TBC1D5: variants seen among roughly 807,000 people sequenced by gnomAD.
TBC1D5 encodes TBC1 domain family member 5.
A neutral mutation model predicts 100.3 loss-of-function variants in TBC1D5; 75 were observed. The observed-to-expected ratio is 0.75, with a 90% CI of 0.62 to 0.91. The LOEUF (loss-of-function observed/expected upper bound fraction) is 0.91, where lower values mean the gene tolerates loss of function less well. TBC1D5 is among the 40% of genes least tolerant of loss of function. TBC1D5 has a pLI of 0.00. For missense variants in TBC1D5, 910 were observed against 942.4 expected (o/e 0.97, Z 0.45); for synonymous variants, 323 against 325.6 (o/e 0.99, Z 0.09).
chr3:17,310,217 A>G (rs2083865921), intron 13 of TBC1D5, among the ~76,000 whole-genome samples: 1 of 152,128 alleles, frequency 6.6e-6, no homozygotes, highest in Non-Finnish European at 1.5e-5. Context: ...ATATGCAGCA[A>G]TCTTCACTGC....
In TBC1D5 at chr3:17,352,044, TAC is replaced by T. The variant is rs572942481; in HGVS notation, c.995+20029_995+20030del. 2.1e-4 allele frequency among the ~76,000 whole-genome samples: 31 copies of T among 148,582 alleles called. 1 individual carries two copies. The East Asian group carries it at 6.1e-3, about 29-fold the overall frequency. On this transcript the variant is annotated intron_variant, in intron 13 of 21. Transcript: ENST00000253692. ...CACACACACAAAAAACCCTAAGACA[TAC>T]AGAGAAGCAGCCACCCCATGAACCC...
chr3:17,272,919 T>C (rs970430608), intron 15 of TBC1D5, among the ~76,000 whole-genome samples: 3 of 152,212 alleles, frequency 2.0e-5, no homozygotes, highest in Non-Finnish European at 2.9e-5. Flanking sequence ...AGTCATTCCT[T>C]TGTAATCAAC....
At chr3:17,331,148 T>G (rs556689550) in intron 13 of TBC1D5, among the ~76,000 whole-genome samples, 1 of 152,314 alleles carries the variant, frequency 6.6e-6, no homozygotes, top group African/African-American at 2.4e-5. Context: ...TTTAGTGACT[T>G]GCTACAGCCC....
intron 17 of TBC1D5, among the ~76,000 whole-genome samples, chr3:17,230,075 A>G (rs6442676): frequency 0.036 from 5,431 of 152,232 alleles, 325 homozygotes; most frequent in African/African-American, 0.12. Context: ...CTTCAGGTCT[A>G]TCACATCTCA....
chr3:17,275,950 A>G (rs2079953943), intron 15 of TBC1D5, among the ~76,000 whole-genome samples: 1 of 152,170 alleles, frequency 6.6e-6, no homozygotes, highest in Non-Finnish European at 1.5e-5. Context: ...TTTTCCACAT[A>G]GGTGTATAGT....
At chr3:17,723,461 G>A (rs1324581157) in intron 1 of TBC1D5, among the ~76,000 whole-genome samples, 1 of 152,180 alleles carries the variant, frequency 6.6e-6, no homozygotes, top group Non-Finnish European at 1.5e-5. Context: ...AGATCCAAAA[G>A]TTGGAGTAAT....
rs1222345737 is a variant in TBC1D5, at chr3:17,285,450, C to T, written c.1245+6445G>A. ...TAATTTTTTGTATTTTTAGTAGAGA[C>T]GGGGTTTCACCGTGTTAGCCAGGAT... is the stretch of plus-strand genomic sequence containing the variant. On this transcript the variant is annotated intron_variant, in intron 15 of 21. Coordinates refer to ENST00000253692, the Ensembl canonical transcript of TBC1D5. Among the ~76,000 whole-genome samples the T allele has an allele frequency of 6.6e-5, 10 of 151,372 alleles. No individual in the cohort carries two copies. The East Asian group carries it at 9.7e-4, about 15-fold the overall frequency.
At chr3:17,498,166 T>A (rs2095738859) in intron 3 of TBC1D5, among the ~76,000 whole-genome samples, 1 of 152,130 alleles carries the variant, frequency 6.6e-6, no homozygotes, top group South Asian at 2.1e-4. Flanking sequence ...GAAGCTAGCA[T>A]AATATTCCTG....
At chr3:17,189,553 CTG>C (rs1200257579) in intron 18 of TBC1D5, among the ~76,000 whole-genome samples, 1 of 152,216 alleles carries the variant, frequency 6.6e-6, no homozygotes, top group Non-Finnish European at 1.5e-5. Context: ...ACGCCAGACA[CTG>C]AGCTTTGCTG....
intron 18 of TBC1D5, among the ~76,000 whole-genome samples, 200 bp downstream of exon 19, chr3:17,214,007 T>TC (rs887431644): frequency 6.6e-6 from 1 of 151,196 alleles, no homozygotes; most frequent in Non-Finnish European, 1.5e-5. Context: ...GCTACTTTTT[T>TC]TTTTTTCCAG....
chr3:17,672,320 C>A (rs1014896106), intron 1 of TBC1D5, among the ~76,000 whole-genome samples: 2 of 151,968 alleles, frequency 1.3e-5, no homozygotes, highest in African/African-American at 4.8e-5. Context: ...AAAATGTTTA[C>A]AAAATAAGAA....
intron 8 of TBC1D5, among the ~76,000 whole-genome samples, chr3:17,385,354 T>C (rs17043541): frequency 0.4 from 60,287 of 151,866 alleles, 12,626 homozygotes; most frequent in Middle Eastern, 0.47. Context: ...CATGAAGGCA[T>C]AGAGCATTAT....
Position 17,503,728 on chromosome 3 carries a change from G to A in TBC1D5, c.97+4746C>T, listed in dbSNP as rs528057453. Among the ~76,000 whole-genome samples, 247 of 149,796 alleles carry A rather than the reference G, an allele frequency of 1.6e-3. 7 individuals are homozygous for A. The highest frequency in any genetic ancestry group is 6.8e-3 in the Middle Eastern group (2 of 292). On this transcript the variant is annotated intron_variant, in intron 3 of 21. Transcript: ENST00000253692. The stretch of plus-strand genomic sequence containing the variant: ...TAAGAATTATGTGCATTAAACATGT[G>A]TATTAAATGTAAGCATATTACATAT...
chr3:17,297,188 T>C (rs2060623), intron 14 of TBC1D5, among the ~76,000 whole-genome samples: 75,835 of 152,078 alleles, frequency 0.5, 20,436 homozygotes, highest in East Asian at 0.94. Context: ...CTATGAACTT[T>C]GAAGGATATC....
At chr3:17,611,661 G>A (rs1469850278) in intron 2 of TBC1D5, among the ~76,000 whole-genome samples, 4 of 152,146 alleles carry the variant, frequency 2.6e-5, no homozygotes, top group African/African-American at 9.7e-5. Context: ...GCACCTGTTT[G>A]GACAACTGAG....
chr3:17,424,475 G>C (rs1480579043), intron 4 of TBC1D5, among the ~76,000 whole-genome samples: 4 of 152,180 alleles, frequency 2.6e-5, no homozygotes, highest in Non-Finnish European at 4.4e-5. Flanking sequence ...ATAAGGAACA[G>C]AGAAAGCTCA....
intron 16 of TBC1D5, among the ~76,000 whole-genome samples, chr3:17,257,719 A>G (rs1308435261): frequency 6.6e-6 from 1 of 152,220 alleles, no homozygotes; most frequent in African/African-American, 2.4e-5. Context: ...ACTCTCCAGT[A>G]ACAGCAGAAC....
intron 1 of TBC1D5, among the ~76,000 whole-genome samples, chr3:17,734,903 T>A (rs1268357560): frequency 2.0e-5 from 3 of 148,386 alleles, no homozygotes; most frequent in Non-Finnish European, 3.0e-5. Flanking sequence ...CTGGGCAACA[T>A]AGAGAGACAT....
chr3:17,458,444 T>C (rs905186927), intron 3 of TBC1D5, among the ~76,000 whole-genome samples: 7 of 152,192 alleles, frequency 4.6e-5, no homozygotes, highest in East Asian at 1.9e-4. Flanking sequence ...CTTTTACTGA[T>C]GGGTTCATAA....
Sources: gnomAD v4.1 joint callset for allele counts (sites outside exome capture counted in the v4.1 genomes callset) on GRCh38, gnomAD v4.1.1 for gene constraint, MANE v1.5 for transcripts, NCBI Gene and HGNC (gene_info 2026-07-23, HGNC 2026-07-21) for gene names.